Variants in BBS5 observed in about 807,000 individuals in gnomAD.
BBS5 encodes BBSome complex member BBS5.
A neutral mutation model predicts 50.2 loss-of-function variants in BBS5; 39 were observed. The observed-to-expected ratio is 0.78, with a 90% CI of 0.60 to 1.01. BBS5 has a LOEUF of 1.01. BBS5 is among the 50% of genes least tolerant of loss of function. The pLI, the probability that BBS5 is intolerant of heterozygous loss-of-function variation, is 0.00. For missense variants in BBS5, 356 were observed against 401.5 expected, an observed-to-expected ratio of 0.89 and a Z score of 0.97; for synonymous variants, 134 against 133.1, an observed-to-expected ratio of 1.01 and a Z score of -0.05.
intron 7 of BBS5, among the ~76,000 whole-genome samples, chr2:169,496,596 G>A (rs1232547206): frequency 2.7e-5 from 4 of 148,172 alleles, no homozygotes; most frequent in African/African-American, 1.0e-4. Context: ...TTGGCCGGGC[G>A]CGGTGGCTCA....
intron 7 of BBS5, among the ~76,000 whole-genome samples, chr2:169,496,333 T>A (rs533875471): frequency 8.5e-5 from 13 of 152,348 alleles, no homozygotes; most frequent in African/African-American, 2.9e-4. Flanking sequence ...TGATGTTAAT[T>A]ACACTTAATC....
In BBS5 at chr2:169,479,544, C is replaced by G; in HGVS notation, c.-10C>G. ...GCTGTGGAGAGATCCTGCCACGGGC[C>G]TTGTTCACCATGTCGGTGCTGGATG... On this transcript the variant is annotated 5_prime_UTR_variant, in exon 1 of 12. Coordinates refer to ENST00000295240, the MANE Select transcript of BBS5 (RefSeq NM_152384.3). 1 of 1,614,162 alleles carries G rather than the reference C, an allele frequency of 6.2e-7. No individual in the cohort carries two copies. The highest frequency in any genetic ancestry group is 8.5e-7 in the Non-Finnish European group (1 of 1,179,988).
intron 2 of BBS5, among the ~76,000 whole-genome samples, chr2:169,486,363 ATC>A (rs1286125907): frequency 2.0e-5 from 3 of 152,224 alleles, no homozygotes; most frequent in Non-Finnish European, 4.4e-5. Flanking sequence ...TGTATTGTAC[ATC>A]TCTAATACAC....
intron 1 of BBS5, among the ~76,000 whole-genome samples, chr2:169,481,313 G>C (rs16856977): frequency 0.081 from 12,274 of 152,286 alleles, 609 homozygotes; most frequent in South Asian, 0.22. Context: ...GCAGAGCCTT[G>C]TCAGGGTAGA....
At chr2:169,495,877 C>T (rs1359589372) in intron 7 of BBS5, among the ~76,000 whole-genome samples, 1 of 152,130 alleles carries the variant, frequency 6.6e-6, no homozygotes, top group African/African-American at 2.4e-5. Context: ...AGGCTGGTCT[C>T]AAATTCCTGA....
At position 169,499,589 on chromosome 2, in the gene BBS5, TA is replaced by T; in HGVS notation, c.786del (p.Phe263LeufsTer17). On this transcript the variant is annotated frameshift_variant, in exon 9 of 12. Coordinates refer to ENST00000295240, the MANE Select transcript of BBS5 (RefSeq NM_152384.3). LOFTEE classifies it high-confidence loss of function. ...CACAAAGTCTATTCTGCCAGTCCCA[TA>T]TTTGGAGTTGATTATGAGATGGAAG... ...SLHKVYSASP[I>X]FGVDYEMEEK... 1 of 1,613,850 alleles carries T rather than the reference TA, an allele frequency of 6.2e-7. No individual in the cohort carries two copies. The highest frequency in any genetic ancestry group is 8.5e-7 in the Non-Finnish European group (1 of 1,179,804).
intron 11 of BBS5, 74 bp from the exon 12 acceptor site, chr2:169,504,407 C>T: frequency 1.3e-6 from 2 of 1,581,856 alleles, no homozygotes; most frequent in East Asian, 2.2e-5. Flanking sequence ...TTATGTGAAA[C>T]CTATTTTTTT....
intron 6 of BBS5, among the ~76,000 whole-genome samples, chr2:169,493,320 A>G (rs948554345): frequency 6.6e-6 from 1 of 152,070 alleles, no homozygotes; most frequent in African/African-American, 2.4e-5. Context: ...ATACAATCTA[A>G]TGTATATTCA....
At chr2:169,496,677 G>A (rs1369832506) in intron 7 of BBS5, among the ~76,000 whole-genome samples, 1 of 151,908 alleles carries the variant, frequency 6.6e-6, no homozygotes, top group South Asian at 2.1e-4. Context: ...AGACCATCCC[G>A]GCTAAAACGG....
At chr2:169,483,504 C>T (rs900268256) in intron 2 of BBS5, among the ~76,000 whole-genome samples, 4 of 152,018 alleles carry the variant, frequency 2.6e-5, no homozygotes, top group Admixed American at 2.0e-4. Flanking sequence ...TAAATATGTC[C>T]CTAATAGATG....
rs751969677 is a variant in BBS5, at chr2:169,487,079, G to A, written c.153G>A (p.Leu51=). The change falls in exon 3 of 12, where the codon TTG becomes TTA. Residue 51 remains leucine (L), a synonymous_variant. Coordinates refer to ENST00000295240, the MANE Select transcript of BBS5 (RefSeq NM_152384.3). ...TCTGTGTGCTTTTAGGTAGACTCTTGGTAACAAATTTAAGAATTCTCTGGC... is the reference window on the plus strand; with the variant it reads ...TCTGTGTGCTTTTAGGTAGACTCTTAGTAACAAATTTAAGAATTCTCTGGC... The part of the protein sequence containing the change: ...KGNNGDRGRL[L]VTNLRILWHS... 20 of 1,610,388 alleles carry A rather than the reference G, an allele frequency of 1.2e-5. 1 individual carries two copies. In the South Asian group the frequency reaches 2.1e-4, roughly 17 times the overall value.
chr2:169,487,272 G>A (rs1016953972), intron 3 of BBS5, 138 bp downstream of exon 3: 1 of 661,596 alleles, frequency 1.5e-6, no homozygotes, highest in Non-Finnish European at 2.6e-6. Flanking sequence ...ACATCATAAT[G>A]CAAACAAAAT....
At chr2:169,499,365 A>G in intron 8 of BBS5, 121 bp from the exon 9 acceptor site, 1 of 1,094,424 alleles carries the variant, frequency 9.1e-7, no homozygotes, top group Non-Finnish European at 1.3e-6. Flanking sequence ...AGTTTAATTG[A>G]AAAAATGAAC....
chr2:169,494,892 G>A (rs1559124056), intron 7 of BBS5, among the ~76,000 whole-genome samples: 1 of 152,088 alleles, frequency 6.6e-6, no homozygotes, highest in Non-Finnish European at 1.5e-5. Context: ...TGTGATACCT[G>A]GAAAATACCG....
chr2:169,504,297 T>C lies in BBS5; in HGVS notation c.901-6T>C, dbSNP rs753398769. The C allele has an allele frequency of 1.1e-5, 17 of 1,612,552 alleles. No individual in the cohort carries two copies. The South Asian group carries it at 1.9e-4, about 18-fold the overall frequency. ...TTTGTGAAATAGAATTTTCTTTGTCTTACAGGCTTATTTTGCTGATGGCAA... is the reference window on the plus strand; with the variant it reads ...TTTGTGAAATAGAATTTTCTTTGTCCTACAGGCTTATTTTGCTGATGGCAA... On this transcript the variant is annotated splice_polypyrimidine_tract_variant and splice_region_variant and intron_variant, in intron 10 of 11. Coordinates refer to ENST00000295240, the MANE Select transcript of BBS5 (RefSeq NM_152384.3).
chr2:169,503,024 A>T, intron 9 of BBS5, 71 bp from the exon 10 acceptor site: 1 of 1,083,904 alleles, frequency 9.2e-7, no homozygotes, highest in Non-Finnish European at 1.4e-6. Context: ...TTGTTATTTT[A>T]ACAGTATTTG....
In BBS5 at chr2:169,505,026, G is replaced by A. The variant is rs1263772035; in HGVS notation, c.*444G>A. ...ATGGCCGAAGCTGGACTGTACTGCT[G>A]CCATCTCTGGCTCACTGCAACCTCC... On this transcript the variant is annotated 3_prime_UTR_variant, in exon 12 of 12. Transcript: ENST00000295240. 4 of 1,579,522 alleles carry A rather than the reference G, an allele frequency of 2.5e-6. No individual in the cohort carries two copies. Among genetic ancestry groups the A allele is most frequent in the Non-Finnish European group, 3.5e-6 (4 of 1,155,284 alleles).
At chr2:169,495,308 C>T (rs1225615217) in intron 7 of BBS5, among the ~76,000 whole-genome samples, 1 of 152,212 alleles carries the variant, frequency 6.6e-6, no homozygotes, top group Admixed American at 6.5e-5. Context: ...TATTGCATTA[C>T]ATTAATGTGT....
intron 2 of BBS5, 22 bp downstream of exon 2, chr2:169,482,355 T>C (rs921504559): frequency 1.4e-6 from 2 of 1,395,750 alleles, no homozygotes; most frequent in Admixed American, 3.3e-5. Context: ...TTTAAATGTA[T>C]CTTATATTCC....
Sources: allele counts gnomAD v4.1 joint callset (sites outside exome capture counted in the v4.1 genomes callset), GRCh38; gene constraint gnomAD v4.1.1; transcripts MANE v1.5; gene names NCBI Gene and HGNC (gene_info 2026-07-23, HGNC 2026-07-21).